NRG1: variants seen among roughly 807,000 people sequenced by gnomAD.
The protein encoded by NRG1 is neuregulin 1.
A neutral mutation model predicts 63.8 loss-of-function variants in NRG1; 18 were observed. The observed-to-expected ratio is 0.28, with a 90% CI of 0.19 to 0.42. The LOEUF is 0.42. NRG1 is among the 10% of genes least tolerant of loss of function. The pLI is 1.00. For missense variants in NRG1, 762 were observed against 814.7 expected (o/e 0.94, Z 0.79); for synonymous variants, 302 against 301.3 (o/e 1.00, Z -0.02).
intron 5 of NRG1, chr8:32,647,597 G>T: frequency 7.1e-7 from 1 of 1,406,200 alleles, no homozygotes. Flanking sequence ...TTTTAATAAT[G>T]GCCTTGGACT....
At chr8:31,671,149 AT>A (rs961778166) in intron 1 of NRG1, among the ~76,000 whole-genome samples, 1 of 152,002 alleles carries the variant, frequency 6.6e-6, no homozygotes, top group Non-Finnish European at 1.5e-5. Context: ...ATTTTTTTTA[AT>A]AACTGTAAGG....
chr8:31,775,138 G>C (rs1191377428), intron 1 of NRG1, among the ~76,000 whole-genome samples: 1 of 152,166 alleles, frequency 6.6e-6, no homozygotes, highest in Non-Finnish European at 1.5e-5. Flanking sequence ...AGAGATACCT[G>C]TACTCATATA....
chr8:32,459,838 T>C (rs904685835), intron 1 of NRG1, among the ~76,000 whole-genome samples: 3 of 152,230 alleles, frequency 2.0e-5, no homozygotes, highest in African/African-American at 7.2e-5. Context: ...TGCTATTTTC[T>C]ATGGCTGGAA....
Position 32,371,755 on chromosome 8 carries a change from A to G in NRG1, c.38-224073A>G, listed in dbSNP as rs151247908. 2.7e-3 allele frequency among the ~76,000 whole-genome samples: 412 copies of G among 152,306 alleles called. 1 individual carries two copies. Among genetic ancestry groups the G allele is most frequent in the Admixed American group, 4.5e-3 (69 of 15,302 alleles). On this transcript the variant is annotated intron_variant, in intron 1 of 10. Transcript: ENST00000519301. ...GAAATCATGAGACAACATGAAGGAT[A>G]AAATCCTCAAACTAAGAATAGAAAT...
chr8:31,822,172 T>C (rs1042494591), intron 1 of NRG1, among the ~76,000 whole-genome samples: 1 of 152,196 alleles, frequency 6.6e-6, no homozygotes, highest in African/African-American at 2.4e-5. Flanking sequence ...ACCTTTGTAA[T>C]TGGAGTATTG....
chr8:32,177,233 G>A (rs1215328775), intron 1 of NRG1, among the ~76,000 whole-genome samples: 15 of 149,014 alleles, frequency 1.0e-4, no homozygotes, highest in Admixed American at 7.5e-4. Context: ...CAAGGACAAA[G>A]AACCAAACAC....
At chr8:32,172,441 C>T (rs889662375) in intron 1 of NRG1, among the ~76,000 whole-genome samples, 1 of 152,198 alleles carries the variant, frequency 6.6e-6, no homozygotes, top group Non-Finnish European at 1.5e-5. Flanking sequence ...CAGAACGCCT[C>T]TCCTCCTCCA....
intron 1 of NRG1, among the ~76,000 whole-genome samples, chr8:31,992,281 AG>A (rs762774502): frequency 6.6e-5 from 10 of 152,092 alleles, no homozygotes; most frequent in Non-Finnish European, 8.8e-5. Context: ...TGAAAGGAAA[AG>A]GGGGTACCAA....
intron 1 of NRG1, among the ~76,000 whole-genome samples, chr8:31,661,220 C>G (rs1446135448): frequency 1.3e-5 from 2 of 152,246 alleles, no homozygotes; most frequent in South Asian, 2.1e-4. Context: ...CCATATTAAT[C>G]TATTTAGCTC....
At chr8:32,246,321 C>A (rs1848589026) in intron 1 of NRG1, among the ~76,000 whole-genome samples, 3 of 152,136 alleles carry the variant, frequency 2.0e-5, no homozygotes, top group Admixed American at 2.0e-4. Flanking sequence ...ACAGTCATTC[C>A]TCATCAGTTC....
At chr8:31,688,080 T>A (rs1809090276) in intron 1 of NRG1, among the ~76,000 whole-genome samples, 2 of 152,198 alleles carry the variant, frequency 1.3e-5, no homozygotes, top group South Asian at 4.2e-4. Flanking sequence ...TTTGAAAATA[T>A]TTATATTTTT....
intron 1 of NRG1, among the ~76,000 whole-genome samples, chr8:32,194,464 A>G (rs895013152): frequency 6.6e-6 from 1 of 152,082 alleles, no homozygotes; most frequent in African/African-American, 2.4e-5. Flanking sequence ...CTATTTCTCT[A>G]GGCAGAATGC....
At chr8:31,649,587 T>C (rs1468509055) in intron 1 of NRG1, among the ~76,000 whole-genome samples, 1 of 152,094 alleles carries the variant, frequency 6.6e-6, no homozygotes. Flanking sequence ...TCTGAAACCA[T>C]GAAATAAGGA....
intron 1 of NRG1, among the ~76,000 whole-genome samples, chr8:32,312,629 T>A (rs905916915): frequency 1.3e-5 from 2 of 152,010 alleles, no homozygotes; most frequent in African/African-American, 4.8e-5. Flanking sequence ...GTGGCTCCAT[T>A]CCCACGAGAG....
At chr8:32,202,931 G>GACA in intron 1 of NRG1, among the ~76,000 whole-genome samples, 1 of 151,672 alleles carries the variant, frequency 6.6e-6, no homozygotes, top group Non-Finnish European at 1.5e-5. Context: ...CTCACTTAGG[G>GACA]CTGCAGGTCT....
intron 1 of NRG1, among the ~76,000 whole-genome samples, chr8:32,198,439 A>G (rs572076076): frequency 4.6e-5 from 7 of 152,266 alleles, no homozygotes; most frequent in African/African-American, 9.6e-5. Context: ...CGGCCTCCCA[A>G]AGTGCTGGGA....
intron 1 of NRG1, among the ~76,000 whole-genome samples, chr8:32,229,822 T>G (rs1057171050): frequency 6.6e-6 from 1 of 152,112 alleles, no homozygotes; most frequent in Non-Finnish European, 1.5e-5. Flanking sequence ...TGATGCAGTT[T>G]AGAATTCTCT....
chr8:32,403,174 C>A (rs1813453381), intron 1 of NRG1, among the ~76,000 whole-genome samples: 1 of 151,776 alleles, frequency 6.6e-6, no homozygotes, highest in Non-Finnish European at 1.5e-5. Context: ...TGGCAGGTGC[C>A]TGTAATCGCA....
intron 5 of NRG1, among the ~76,000 whole-genome samples, chr8:32,693,108 A>C (rs1589239858): frequency 6.6e-6 from 1 of 152,316 alleles, no homozygotes; most frequent in Admixed American, 6.5e-5. Context: ...CTGTTTGCAC[A>C]TACATAAAAT....
Sources: gnomAD v4.1 joint callset for allele counts (sites outside exome capture counted in the v4.1 genomes callset) on GRCh38, gnomAD v4.1.1 for gene constraint, MANE v1.5 for transcripts, NCBI Gene and HGNC (gene_info 2026-07-23, HGNC 2026-07-21) for gene names.